Variants in CLSTN2 observed in about 807,000 individuals in gnomAD.
The protein encoded by CLSTN2 is calsyntenin 2.
A neutral mutation model predicts 101.2 loss-of-function variants in CLSTN2; 48 were observed. The ratio of observed to expected loss-of-function variants is 0.47; its 90% confidence interval spans 0.38 to 0.60. The LOEUF is 0.60. Ranked by LOEUF, CLSTN2 falls within the 20% of genes least tolerant of loss-of-function variation. CLSTN2 has a pLI of 0.00. For missense variants in CLSTN2, 1,160 were observed against 1,238.2 expected (o/e 0.94, Z 0.95); for synonymous variants, 481 against 463.6 (o/e 1.04, Z -0.48).
intron 8 of CLSTN2, among the ~76,000 whole-genome samples, chr3:140,472,200 A>G (rs1933866378): frequency 6.6e-6 from 1 of 152,032 alleles, no homozygotes. Context: ...TTCTCATATA[A>G]ATGAGCATAA....
At position 140,562,935 on chromosome 3, in the gene CLSTN2, T is replaced by G. The variant is rs1479792275; in HGVS notation, c.2337T>G (p.Thr779=). 6.2e-7 allele frequency: 1 copy of G among 1,613,964 alleles called. No homozygotes were observed. Among genetic ancestry groups the G allele is most frequent in the Non-Finnish European group, 8.5e-7 (1 of 1,180,000 alleles). The change falls in exon 14 of 17, where the codon ACT becomes ACG. Residue 779 remains threonine, a synonymous_variant. Coordinates refer to ENST00000458420, the MANE Select transcript of CLSTN2 (RefSeq NM_022131.3). Reference sequence around the variant, plus strand: ...GCTCAGAACTCAATGGGCGCTACACTAGCAATGAGTTCAACTTGGAGGTGA... The same window carrying G: ...GCTCAGAACTCAATGGGCGCTACACGAGCAATGAGTTCAACTTGGAGGTGA... ...IKCSELNGRY[T]SNEFNLEVSI...
At chr3:140,058,896 C>T (rs1485843416) in intron 1 of CLSTN2, among the ~76,000 whole-genome samples, 1 of 152,090 alleles carries the variant, frequency 6.6e-6, no homozygotes, top group Non-Finnish European at 1.5e-5. Context: ...TGCTGTGTTT[C>T]CAGGAGGAGG....
intron 2 of CLSTN2, among the ~76,000 whole-genome samples, chr3:140,237,934 T>C (rs1011301609): frequency 6.6e-6 from 1 of 152,184 alleles, no homozygotes; most frequent in African/African-American, 2.4e-5. Flanking sequence ...TAATCTCAAC[T>C]TTAGGCTCTG....
chr3:140,400,774 T>C (rs1030941371), intron 2 of CLSTN2, among the ~76,000 whole-genome samples: 3 of 151,818 alleles, frequency 2.0e-5, no homozygotes, highest in Non-Finnish European at 4.4e-5. Context: ...GGACCCTGGG[T>C]GGCTCTTAGG....
At chr3:139,985,888 TCTGA>T (rs1936013932) in intron 1 of CLSTN2, among the ~76,000 whole-genome samples, 1 of 152,216 alleles carries the variant, frequency 6.6e-6, no homozygotes, top group African/African-American at 2.4e-5. Flanking sequence ...ATGTAGCTCG[TCTGA>T]CTAAGAAACA....
intron 2 of CLSTN2, among the ~76,000 whole-genome samples, chr3:140,322,961 A>G (rs888719280): frequency 7.9e-5 from 12 of 152,348 alleles, no homozygotes; most frequent in African/African-American, 2.4e-4. Context: ...ATTTTCTCTA[A>G]TGATCTGATC....
chr3:140,105,198 T>A (rs2009035909), intron 1 of CLSTN2, among the ~76,000 whole-genome samples: 2 of 152,218 alleles, frequency 1.3e-5, no homozygotes, highest in African/African-American at 4.8e-5. Flanking sequence ...CTTTAAGTAA[T>A]CTAGTCTGAC....
chr3:140,423,049 T>C (rs2088522852), intron 5 of CLSTN2, among the ~76,000 whole-genome samples: 1 of 152,120 alleles, frequency 6.6e-6, no homozygotes, highest in South Asian at 2.1e-4. Context: ...ACAATGAGAA[T>C]TTAAGTAGGA....
Position 140,104,409 on chromosome 3 carries a change from CTTTG to C in CLSTN2, c.110-71537_110-71534del, listed in dbSNP as rs375540108. ...CAAATGTCAGAAAAGACCTAGGGTT[CTTTG>C]TTTGGTGCCAACTAAGCAATGCTCG... is the stretch of plus-strand genomic sequence containing the variant. On this transcript the variant is annotated intron_variant, in intron 1 of 16. Transcript: ENST00000458420. Among the ~76,000 whole-genome samples the C allele has an allele frequency of 3.5e-4, 54 of 152,320 alleles. 1 individual carries two copies. The East Asian group carries it at 0.01, about 28-fold the overall frequency.
At chr3:139,940,378 C>T (rs1935105051) in intron 1 of CLSTN2, among the ~76,000 whole-genome samples, 1 of 152,170 alleles carries the variant, frequency 6.6e-6, no homozygotes, top group African/African-American at 2.4e-5. Flanking sequence ...CCATCTGAGA[C>T]TCAGTTTCCT....
At chr3:140,126,395 C>T (rs986827016) in intron 1 of CLSTN2, among the ~76,000 whole-genome samples, 3 of 152,070 alleles carry the variant, frequency 2.0e-5, no homozygotes, top group African/African-American at 7.2e-5. Flanking sequence ...CAGAAGTATA[C>T]TTCCACACCT....
At chr3:140,560,793 T>C (rs1935896660) in intron 12 of CLSTN2, among the ~76,000 whole-genome samples, 1 of 152,046 alleles carries the variant, frequency 6.6e-6, no homozygotes, top group Non-Finnish European at 1.5e-5. Flanking sequence ...AAGGACGATA[T>C]GACCAGACCT....
intron 4 of CLSTN2, among the ~76,000 whole-genome samples, chr3:140,407,385 T>G (rs532093145): frequency 6.6e-6 from 1 of 152,134 alleles, no homozygotes; most frequent in African/African-American, 2.4e-5. Flanking sequence ...GAAGACACAA[T>G]GTGGAGTCAA....
At chr3:140,068,558 G>C (rs1280601952) in intron 1 of CLSTN2, among the ~76,000 whole-genome samples, 2 of 152,204 alleles carry the variant, frequency 1.3e-5, no homozygotes, top group Non-Finnish European at 2.9e-5. Flanking sequence ...AACAATGTCT[G>C]TTGAATTCAA....
At chr3:140,263,420 G>A (rs2086670214) in intron 2 of CLSTN2, among the ~76,000 whole-genome samples, 1 of 152,134 alleles carries the variant, frequency 6.6e-6, no homozygotes, top group South Asian at 2.1e-4. Context: ...GGAAGAGGTT[G>A]GCCACTGGCT....
At chr3:140,212,389 G>C (rs965535286) in intron 2 of CLSTN2, among the ~76,000 whole-genome samples, 2 of 152,136 alleles carry the variant, frequency 1.3e-5, no homozygotes, top group Non-Finnish European at 2.9e-5. Context: ...ATTTGCCACT[G>C]GTAATCCACA....
intron 2 of CLSTN2, among the ~76,000 whole-genome samples, chr3:140,264,184 T>C (rs1314783361): frequency 6.6e-6 from 1 of 151,822 alleles, no homozygotes; most frequent in Non-Finnish European, 1.5e-5. Context: ...CACATGTTTT[T>C]CACTTTTATA....
Position 140,397,338 on chromosome 3 carries a change from T to C in CLSTN2, c.233-6291T>C, listed in dbSNP as rs1460321754. 2.6e-5 allele frequency among the ~76,000 whole-genome samples: 4 copies of C among 152,200 alleles called. No homozygotes were observed. The East Asian group carries it at 7.7e-4, about 29-fold the overall frequency. On this transcript the variant is annotated intron_variant, in intron 2 of 16. Transcript: ENST00000458420. ...GGTATTTTAATAATATTATTGTAGA[T>C]AATATTAAGTTATAGATATTCTTCT... is the stretch of plus-strand genomic sequence containing the variant.
intron 2 of CLSTN2, among the ~76,000 whole-genome samples, chr3:140,243,889 A>T (rs756312547): frequency 4.6e-5 from 7 of 152,148 alleles, no homozygotes; most frequent in Non-Finnish European, 7.4e-5. Flanking sequence ...GCCAAGAGAG[A>T]TGCTCCACAG....
Sources: allele counts gnomAD v4.1 joint callset (sites outside exome capture counted in the v4.1 genomes callset), GRCh38; gene constraint gnomAD v4.1.1; transcripts MANE v1.5; gene names NCBI Gene and HGNC (gene_info 2026-07-23, HGNC 2026-07-21).